NTM: variants seen among roughly 807,000 people sequenced by gnomAD.
The protein encoded by NTM is IgLON family member 2.
NTM carries 13 observed loss-of-function variants against 42.1 expected under a neutral mutation model. The observed-to-expected ratio is 0.31, with a 90% CI of 0.20 to 0.49. NTM has a LOEUF of 0.49. Among genes scored for constraint, NTM ranks in the 20% least tolerant of loss-of-function variants. The probability of loss-of-function intolerance (pLI) is 0.99; values close to 1 mark genes in which losing one functional copy is unlikely to be tolerated. For synonymous variants in NTM, 187 were observed against 179.2 expected (o/e 1.04, Z -0.35); for missense variants, 373 against 452.8 (o/e 0.82, Z 1.60).
At chr11:131,507,908 G>T (rs997236926) in intron 1 of NTM, among the ~76,000 whole-genome samples, 5 of 152,144 alleles carry the variant, frequency 3.3e-5, no homozygotes, top group East Asian at 1.9e-4. Flanking sequence ...CATTGATTTT[G>T]TTAGACCTAA....
At position 132,310,112 on chromosome 11, in the gene NTM, A is replaced by C; in HGVS notation, c.662A>C (p.Tyr221Ser). ...GCTATGAGACATCTTCTTTTTGCAG[A>C]TCCACCATACATTTCAGAAGCCAAG... Reference protein sequence around the residue: ...VVRRVKVTVNYPPYISEAKGT... With the variant: ...VVRRVKVTVNSPPYISEAKGT... The change falls in exon 6 of 9, where the codon TAT (tyrosine) becomes TCT (serine). Residue 221 changes from tyrosine (Y) to serine (S), a missense_variant and splice_region_variant. Physicochemically the swap from Tyr to Ser is moderately radical, Grantham distance 144. Around this residue, in one of 3 missense-constraint regions of NTM, gnomAD observed 312 missense variants for 353.5 expected, o/e 0.88. Coordinates refer to ENST00000683400, the MANE Select transcript of NTM (RefSeq NM_001352005.2). 6.3e-7 allele frequency: 1 copy of C among 1,581,996 alleles called. No homozygotes were observed. Among genetic ancestry groups the C allele is most frequent in the Non-Finnish European group, 8.5e-7 (1 of 1,169,944 alleles).
chr11:131,463,231 C>T (rs1352642610), intron 1 of NTM, among the ~76,000 whole-genome samples: 2 of 152,232 alleles, frequency 1.3e-5, no homozygotes, highest in African/African-American at 4.8e-5. Context: ...GAGCACAAGC[C>T]TTGCTCTCCA....
intron 1 of NTM, among the ~76,000 whole-genome samples, chr11:131,879,322 C>T (rs531021737): frequency 3.3e-5 from 5 of 152,278 alleles, no homozygotes; most frequent in East Asian, 3.9e-4. Flanking sequence ...AGCGTCCACC[C>T]GTCCCGCAGT....
intron 2 of NTM, among the ~76,000 whole-genome samples, chr11:132,090,475 T>C (rs2060251082): frequency 1.3e-5 from 2 of 152,096 alleles, no homozygotes; most frequent in Admixed American, 1.3e-4. Context: ...TCATCTGCCC[T>C]CCGTTTTAGG....
At chr11:131,986,624 T>G (rs1241519221) in intron 2 of NTM, among the ~76,000 whole-genome samples, 2 of 152,238 alleles carry the variant, frequency 1.3e-5, no homozygotes, top group Non-Finnish European at 2.9e-5. Flanking sequence ...ACTTTCTATC[T>G]TATACTCCTA....
At chr11:131,507,972 C>T (rs1262897794) in intron 1 of NTM, among the ~76,000 whole-genome samples, 22 of 152,044 alleles carry the variant, frequency 1.4e-4, no homozygotes, top group South Asian at 4.2e-4. Flanking sequence ...GACATAGGCA[C>T]GGGCAAGGAC....
At chr11:131,880,312 C>A (rs1016909688) in intron 1 of NTM, among the ~76,000 whole-genome samples, 1 of 152,216 alleles carries the variant, frequency 6.6e-6, no homozygotes, top group African/African-American at 2.4e-5. Flanking sequence ...TGCTCAGTTC[C>A]ACAGCAAACA....
intron 1 of NTM, among the ~76,000 whole-genome samples, chr11:131,530,443 A>AT (rs2051095787): frequency 6.8e-6 from 1 of 147,352 alleles, no homozygotes; most frequent in Non-Finnish European, 1.5e-5. Context: ...AAAAAAAAAA[A>AT]GACTGACCAG....
chr11:131,580,135 C>A (rs1192279355), intron 1 of NTM, among the ~76,000 whole-genome samples: 1 of 152,100 alleles, frequency 6.6e-6, no homozygotes, highest in African/African-American at 2.4e-5. Flanking sequence ...GCTCATCGGC[C>A]GCCATCTGTC....
At chr11:132,180,665 C>T (rs757031503) in intron 3 of NTM, among the ~76,000 whole-genome samples, 3 of 152,128 alleles carry the variant, frequency 2.0e-5, no homozygotes, top group East Asian at 1.9e-4. Context: ...TAACTTGTGT[C>T]CTGGGCAGCT....
chr11:131,500,552 T>TAC (rs1353089886), intron 1 of NTM, among the ~76,000 whole-genome samples: 36,975 of 67,682 alleles, frequency 0.55, 6,923 homozygotes, highest in East Asian at 0.59. Context: ...TATATATATA[T>TAC]ATATATATAT....
intron 2 of NTM, among the ~76,000 whole-genome samples, chr11:132,000,939 G>A (rs1180560976): frequency 6.6e-6 from 1 of 152,208 alleles, no homozygotes; most frequent in African/African-American, 2.4e-5. Context: ...TAAGGAAAGG[G>A]CATTCCAGGT....
At chr11:131,683,356 A>G (rs58748182) in intron 1 of NTM, among the ~76,000 whole-genome samples, 401 of 152,326 alleles carry the variant, frequency 2.6e-3, no homozygotes, top group African/African-American at 9.3e-3. Flanking sequence ...GGCACTGTGC[A>G]GGGTGCACGG....
chr11:131,762,468 G>T (rs1455457279), intron 1 of NTM, among the ~76,000 whole-genome samples: 1 of 152,218 alleles, frequency 6.6e-6, no homozygotes, highest in African/African-American at 2.4e-5. Flanking sequence ...GGACAGATGG[G>T]CAGTGTGGGC....
At chr11:131,639,023 T>C (rs879895958) in intron 1 of NTM, among the ~76,000 whole-genome samples, 2 of 152,238 alleles carry the variant, frequency 1.3e-5, no homozygotes, top group Non-Finnish European at 2.9e-5. Context: ...ACTCATTTGA[T>C]ATATGAGAAT....
intron 2 of NTM, among the ~76,000 whole-genome samples, chr11:132,131,402 T>G (rs1424465966): frequency 6.6e-6 from 1 of 152,192 alleles, no homozygotes; most frequent in African/African-American, 2.4e-5. Flanking sequence ...CACAATAGGT[T>G]GCAAGAGGAT....
At chr11:132,086,984 C>A (rs941758495) in intron 2 of NTM, among the ~76,000 whole-genome samples, 1 of 152,098 alleles carries the variant, frequency 6.6e-6, no homozygotes, top group Admixed American at 6.5e-5. Flanking sequence ...TCCAAAGGAG[C>A]CTCAGAGGTT....
intron 1 of NTM, among the ~76,000 whole-genome samples, chr11:131,516,044 C>T (rs375584947): frequency 6.6e-6 from 1 of 152,192 alleles, no homozygotes; most frequent in East Asian, 1.9e-4. Context: ...CTTATTCATC[C>T]CCTTAATAAT....
intron 4 of NTM, 139 bp from the exon 5 acceptor site, chr11:132,307,550 C>T (rs557783391): frequency 5.1e-6 from 6 of 1,182,826 alleles, no homozygotes; most frequent in Admixed American, 2.3e-5. Flanking sequence ...GAGGGATAAC[C>T]CACACAGTTC....
Sources: gnomAD v4.1 joint callset for allele counts (sites outside exome capture counted in the v4.1 genomes callset) on GRCh38, gnomAD v4.1.1 for gene constraint, gnomAD v4.1.1 regional missense constraint, MANE v1.5 for transcripts, NCBI Gene and HGNC (gene_info 2026-07-23, HGNC 2026-07-21) for gene names.